The following GRID2 variants were observed in gnomAD, a reference collection of about 807,000 sequenced individuals.
GRID2 encodes the protein glutamate ionotropic receptor delta type subunit 2.
GRID2 carries 33 observed loss-of-function variants against 114.8 expected under a neutral mutation model. The ratio of observed to expected loss-of-function variants is 0.29; its 90% CI spans 0.22 to 0.38. GRID2 has a LOEUF of 0.38. Ranked by LOEUF, GRID2 falls within the 10% of genes least tolerant of loss-of-function variation. The pLI is 1.00. For synonymous variants in GRID2, 505 were observed against 449.9 expected (o/e 1.12, Z -1.55); for missense variants, 1,184 against 1,257.7 (o/e 0.94, Z 0.89).
intron 2 of GRID2, among the ~76,000 whole-genome samples, chr4:92,643,368 G>A (rs980668314): frequency 6.6e-6 from 1 of 151,592 alleles, no homozygotes; most frequent in Admixed American, 6.6e-5. Flanking sequence ...GGAAATAAAG[G>A]GATCTAAATA....
chr4:92,342,985 T>C (rs779072449), intron 1 of GRID2, among the ~76,000 whole-genome samples: 1 of 152,208 alleles, frequency 6.6e-6, no homozygotes, highest in Non-Finnish European at 1.5e-5. Flanking sequence ...AATATATTTG[T>C]TAAGTGAATG....
At chr4:92,710,312 A>G (rs1735185072) in intron 2 of GRID2, among the ~76,000 whole-genome samples, 1 of 152,206 alleles carries the variant, frequency 6.6e-6, no homozygotes, top group Admixed American at 6.5e-5. Flanking sequence ...CAATTTTTAG[A>G]TAAATGAAAT....
chr4:92,384,493 TAA>T lies in GRID2; in HGVS notation c.88+79753_88+79754del, dbSNP rs1211585186. ...ATATATATATATTATTTATATATAA[TAA>T]AAATATATATTATATATAATATTAT... On this transcript the variant is annotated intron_variant, in intron 1 of 15. Coordinates refer to ENST00000282020, the MANE Select transcript of GRID2 (RefSeq NM_001510.4). Among the ~76,000 whole-genome samples the T allele has an allele frequency of 9.0e-3, 411 of 45,556 alleles. 12 individuals are homozygous for T. The highest frequency in any genetic ancestry group is 0.034 in the African/African-American group (399 of 11,652). 29.9% of individuals were successfully genotyped at this position (45,556 alleles called of 152,430 possible).
intron 4 of GRID2, chr4:93,112,241 A>T (rs1457247468): frequency 6.6e-6 from 1 of 152,126 alleles, no homozygotes. Flanking sequence ...CTCACTGAGC[A>T]GGTATATTTG....
chr4:92,644,393 G>A (rs964503006), intron 2 of GRID2, among the ~76,000 whole-genome samples: 1 of 151,650 alleles, frequency 6.6e-6, no homozygotes, highest in African/African-American at 2.4e-5. Flanking sequence ...GAAGAATTTG[G>A]AACAAAACCT....
intron 13 of GRID2, among the ~76,000 whole-genome samples, chr4:93,615,104 C>G (rs976457727): frequency 6.6e-6 from 1 of 152,138 alleles, no homozygotes; most frequent in Non-Finnish European, 1.5e-5. Flanking sequence ...GCTAAATATA[C>G]TCTTAACAAG....
At chr4:93,687,718 G>C (rs1726196701) in intron 14 of GRID2, among the ~76,000 whole-genome samples, 1 of 151,984 alleles carries the variant, frequency 6.6e-6, no homozygotes, top group Non-Finnish European at 1.5e-5. Context: ...TGATTAAAAT[G>C]AGTTTAGGAG....
intron 2 of GRID2, among the ~76,000 whole-genome samples, chr4:92,688,175 G>A (rs1021692061): frequency 6.7e-6 from 1 of 149,166 alleles, no homozygotes; most frequent in African/African-American, 2.5e-5. Context: ...TCAGCCTCCT[G>A]AGTAGCTGAG....
intron 1 of GRID2, among the ~76,000 whole-genome samples, chr4:92,552,811 C>A (rs1274388523): frequency 2.0e-5 from 3 of 152,144 alleles, no homozygotes; most frequent in Admixed American, 6.6e-5. Flanking sequence ...CTTAGAATAA[C>A]AAGCAAAGCA....
rs560670812 is a variant in GRID2, at chr4:93,544,321, ATG to A, written c.2193+28911_2193+28912del. On this transcript the variant is annotated intron_variant, in intron 13 of 15. Transcript: ENST00000282020. ...AAAATAAGCAAGTATAAAAACAAAT[ATG>A]AGAATTATTCTGTATTTATGATATG... Among the ~76,000 whole-genome samples, 243 of 152,288 alleles carry A rather than the reference ATG, an allele frequency of 1.6e-3. 2 individuals are homozygous for A. The highest frequency in any genetic ancestry group is 5.4e-3 in the African/African-American group (226 of 41,556).
chr4:92,788,902 G>A (rs1487678718), intron 2 of GRID2, among the ~76,000 whole-genome samples: 1 of 151,574 alleles, frequency 6.6e-6, no homozygotes, highest in African/African-American at 2.4e-5. Flanking sequence ...CAGGTTATTG[G>A]ATTCTCTTTG....
intron 2 of GRID2, among the ~76,000 whole-genome samples, chr4:92,974,879 C>T (rs1209975038): frequency 2.0e-5 from 3 of 151,814 alleles, no homozygotes; most frequent in South Asian, 2.1e-4. Context: ...ATTAACAGGC[C>T]GGGAGCGGCG....
chr4:92,722,320 A>G (rs1735848398), intron 2 of GRID2, among the ~76,000 whole-genome samples: 1 of 152,174 alleles, frequency 6.6e-6, no homozygotes, highest in South Asian at 2.1e-4. Flanking sequence ...CTGGAACGTG[A>G]GGCAGCACCA....
At chr4:93,594,071 C>G (rs545241855) in intron 13 of GRID2, among the ~76,000 whole-genome samples, 1 of 152,208 alleles carries the variant, frequency 6.6e-6, no homozygotes, top group Non-Finnish European at 1.5e-5. Context: ...AGTCGTTCTC[C>G]GTCCAGCTTT....
chr4:93,272,059 A>G (rs1175280013), intron 8 of GRID2, among the ~76,000 whole-genome samples: 1 of 152,164 alleles, frequency 6.6e-6, no homozygotes, highest in East Asian at 1.9e-4. Flanking sequence ...CCAGATGACT[A>G]TCTATAAATC....
intron 1 of GRID2, among the ~76,000 whole-genome samples, chr4:92,384,149 G>T (rs962842130): frequency 1.3e-5 from 2 of 151,430 alleles, no homozygotes; most frequent in Non-Finnish European, 2.9e-5. Context: ...GTGTGGGTGT[G>T]TGTGTGTCTG....
At chr4:93,232,565 T>C (rs931731611) in intron 7 of GRID2, among the ~76,000 whole-genome samples, 6 of 148,770 alleles carry the variant, frequency 4.0e-5, no homozygotes, top group Non-Finnish European at 8.9e-5. Context: ...GTGAACTAAA[T>C]TGTAATAGAT....
At chr4:92,498,085 G>C (rs11732713) in intron 1 of GRID2, among the ~76,000 whole-genome samples, 5 of 151,720 alleles carry the variant, frequency 3.3e-5, no homozygotes, top group Admixed American at 3.3e-4. Flanking sequence ...TATAGAAGAA[G>C]ATAAGGAAGA....
chr4:93,291,499 C>T (rs142240981), intron 8 of GRID2, among the ~76,000 whole-genome samples: 2,151 of 152,192 alleles, frequency 0.014, 24 homozygotes, highest in Middle Eastern at 0.075. Context: ...AATCCAATTA[C>T]AATTTTCCAA....
Sources: gnomAD v4.1 joint callset for allele counts (sites outside exome capture counted in the v4.1 genomes callset) on GRCh38, gnomAD v4.1.1 for gene constraint, MANE v1.5 for transcripts, NCBI Gene and HGNC (gene_info 2026-07-23, HGNC 2026-07-21) for gene names.